Variants in TNPO1 observed in about 807,000 individuals in gnomAD.
The protein encoded by TNPO1 is transportin 1.
In TNPO1, 8 loss-of-function variants were observed where a neutral mutation model predicts 119.5. That is an observed-to-expected ratio of 0.07 (90% CI 0.04 to 0.12). TNPO1 has a LOEUF of 0.12. Among genes scored for constraint, TNPO1 ranks in the 10% least tolerant of loss-of-function variants. TNPO1 has a pLI of 1.00. For synonymous variants in TNPO1, 362 were observed against 363.0 expected (o/e 1.00, Z 0.03); for missense variants, 576 against 1,089.8 (o/e 0.53, Z 6.64).
intron 1 of TNPO1, among the ~76,000 whole-genome samples, chr5:72,825,334 T>C (rs1744155622): frequency 6.6e-6 from 1 of 152,212 alleles, no homozygotes; most frequent in Admixed American, 6.5e-5. Flanking sequence ...GTTGAAATCC[T>C]AACTCCCAAG....
chr5:72,838,225 A>G (rs1441826467), intron 1 of TNPO1, among the ~76,000 whole-genome samples: 1 of 152,186 alleles, frequency 6.6e-6, no homozygotes, highest in Non-Finnish European at 1.5e-5. Context: ...CTGAATCCAT[A>G]CATTATACTT....
At chr5:72,886,956 A>G (rs2112437766) in intron 11 of TNPO1, 114 bp from the exon 12 acceptor site, 1 of 974,470 alleles carries the variant, frequency 1.0e-6, no homozygotes, top group South Asian at 2.9e-5. Context: ...ATTCAATTGA[A>G]TTCTTATTTT....
At chr5:72,900,890 T>C (rs1749757281) in intron 21 of TNPO1, 84 bp from the exon 22 acceptor site, 2 of 862,152 alleles carry the variant, frequency 2.3e-6, no homozygotes, top group African/African-American at 1.7e-5. Flanking sequence ...ACTGTGGTGC[T>C]TATTCCATTA....
intron 4 of TNPO1, among the ~76,000 whole-genome samples, chr5:72,861,112 T>C (rs916821623): frequency 6.6e-6 from 1 of 152,088 alleles, no homozygotes; most frequent in Non-Finnish European, 1.5e-5. Context: ...GGTTTCTCCA[T>C]GTTGGTCAGG....
At chr5:72,895,854 TTTTG>T (rs1416239619) in intron 18 of TNPO1, among the ~76,000 whole-genome samples, 1 of 152,136 alleles carries the variant, frequency 6.6e-6, no homozygotes, top group African/African-American at 2.4e-5. Flanking sequence ...AGAGTTTTGT[TTTTG>T]TTTGATTGTT....
At chr5:72,860,304 T>C (rs532689469) in intron 4 of TNPO1, among the ~76,000 whole-genome samples, 1 of 152,334 alleles carries the variant, frequency 6.6e-6, no homozygotes, top group African/African-American at 2.4e-5. Context: ...TGTACACTCA[T>C]ATTTTGCAGC....
intron 1 of TNPO1, among the ~76,000 whole-genome samples, chr5:72,835,703 CT>C (rs772206312): frequency 2.6e-5 from 4 of 152,202 alleles, no homozygotes; most frequent in Non-Finnish European, 4.4e-5. Context: ...CATTCTGCCC[CT>C]GGCCCCCCAA....
chr5:72,841,543 G>A (rs983654295), intron 1 of TNPO1, among the ~76,000 whole-genome samples: 1 of 151,660 alleles, frequency 6.6e-6, no homozygotes, highest in Non-Finnish European at 1.5e-5. Flanking sequence ...TAGTAGAGAC[G>A]GGGTTTCACC....
In TNPO1 at chr5:72,886,583, A is replaced by G. The variant is rs951728073; in HGVS notation, c.1151-487A>G. Among the ~76,000 whole-genome samples the G allele has an allele frequency of 2.6e-4, 39 of 152,312 alleles. 1 individual carries two copies. The highest frequency in any genetic ancestry group is 2.3e-3 in the Admixed American group (35 of 15,296). On this transcript the variant is annotated intron_variant, in intron 11 of 24. Coordinates refer to ENST00000337273, the MANE Select transcript of TNPO1 (RefSeq NM_002270.4). ...TTAATTTGCCAAGTAAGTTCTTGTC[A>G]TAAAAAATATTCATCTTAATAGAAA...
chr5:72,903,682 C>T (rs1460345854), intron 22 of TNPO1, 27 bp from the exon 23 acceptor site: 2 of 1,514,024 alleles, frequency 1.3e-6, no homozygotes, highest in Admixed American at 1.8e-5. Flanking sequence ...CAATATCAAC[C>T]TAAGATGTAT....
chr5:72,839,264 T>C (rs1367527784), intron 1 of TNPO1, among the ~76,000 whole-genome samples: 3 of 152,166 alleles, frequency 2.0e-5, no homozygotes, highest in Non-Finnish European at 4.4e-5. Flanking sequence ...TGTAGGCTTA[T>C]TAGAAGAGTT....
rs998022495 is a variant in TNPO1 at position 72,864,273 on chromosome 5, T to A, written c.463-1323T>A. Among the ~76,000 whole-genome samples, 3 of 152,226 alleles carry A rather than the reference T, an allele frequency of 2.0e-5. No homozygotes were observed. The South Asian group carries it at 6.2e-4, about 31-fold the overall frequency. On this transcript the variant is annotated intron_variant, in intron 5 of 24. Coordinates refer to ENST00000337273, the MANE Select transcript of TNPO1 (RefSeq NM_002270.4). ...TTTAGACTTAAAAATATTTTCAGAT[T>A]TAATATTTTTAAGATATTATAAAAT...
chr5:72,832,819 G>T (rs747307504), intron 1 of TNPO1, among the ~76,000 whole-genome samples: 1 of 152,146 alleles, frequency 6.6e-6, no homozygotes, highest in Non-Finnish European at 1.5e-5. Flanking sequence ...GAATTCTGTT[G>T]TCCGTAAAGA....
Position 72,909,752 on chromosome 5 carries a change from C to T in TNPO1, c.*1079C>T, listed in dbSNP as rs1408640466. 6.6e-6 allele frequency: 1 copy of T among 152,546 alleles called. No individual in the cohort carries two copies. The highest frequency in any genetic ancestry group is 1.5e-5 in the Non-Finnish European group (1 of 68,026). The allele number at this position is 152,546 out of a possible 1,614,324, so 9.4% of individuals were successfully genotyped here. A position where few individuals can be genotyped will look rare whatever the true frequency, so the allele number is the denominator to read the frequency against. On this transcript the variant is annotated 3_prime_UTR_variant, in exon 25 of 25. Coordinates refer to ENST00000337273, the MANE Select transcript of TNPO1 (RefSeq NM_002270.4). ...ATTAAGAACATAGATATATAAAGTA[C>T]TGTAGTTTACAGGTAGGCCTTGAAA...
chr5:72,852,101 T>G (rs1162740758), intron 3 of TNPO1, among the ~76,000 whole-genome samples: 1 of 152,180 alleles, frequency 6.6e-6, no homozygotes, highest in African/African-American at 2.4e-5. Flanking sequence ...TTAAAATTAT[T>G]TAGCAAAAAG....
At chr5:72,902,177 A>G (rs1749847393) in intron 22 of TNPO1, among the ~76,000 whole-genome samples, 2 of 152,176 alleles carry the variant, frequency 1.3e-5, no homozygotes, top group African/African-American at 2.4e-5. Context: ...AAATGCTTTT[A>G]TAGCAATAAC....
chr5:72,861,612 C>G (rs1746454059), intron 4 of TNPO1, among the ~76,000 whole-genome samples, 196 bp from the exon 5 acceptor site: 1 of 152,162 alleles, frequency 6.6e-6, no homozygotes, highest in Non-Finnish European at 1.5e-5. Context: ...TCATGTTGCC[C>G]AGGCTGGTCT....
intron 14 of TNPO1, 41 bp downstream of exon 14, chr5:72,889,998 G>A (rs779886679): frequency 1.3e-6 from 2 of 1,586,472 alleles, no homozygotes; most frequent in African/African-American, 2.7e-5. Context: ...ATAATGTGTA[G>A]CATAGTTACA....
chr5:72,912,262 G>A lies in TNPO1; in HGVS notation c.*3589G>A, dbSNP rs1750616786. 1.3e-5 allele frequency: 2 copies of A among 152,412 alleles called. No homozygotes were observed. Among genetic ancestry groups the A allele is most frequent in the African/African-American group, 4.8e-5 (2 of 41,426 alleles). The allele number at this position is 152,412 out of a possible 1,614,324, so 9.4% of individuals were successfully genotyped here. A position where few individuals can be genotyped will look rare whatever the true frequency, so the allele number is the denominator to read the frequency against. On this transcript the variant is annotated 3_prime_UTR_variant, in exon 25 of 25. Transcript: ENST00000337273. Reference sequence around the variant, plus strand: ...TTACATCTTAAAAACAAAACAAGTAGCATACATTTTGTAATTAACATTGAT... The same window carrying A: ...TTACATCTTAAAAACAAAACAAGTAACATACATTTTGTAATTAACATTGAT...
Sources: gnomAD v4.1 joint callset for allele counts (sites outside exome capture counted in the v4.1 genomes callset) on GRCh38, gnomAD v4.1.1 for gene constraint, MANE v1.5 for transcripts, NCBI Gene and HGNC (gene_info 2026-07-23, HGNC 2026-07-21) for gene names.